The following ADARB2 variants were observed in gnomAD, a reference collection of about 807,000 sequenced individuals.
ADARB2 encodes adenosine deaminase RNA specific B2 (inactive).
ADARB2 carries 25 observed loss-of-function variants against 62.2 expected under a neutral mutation model. The ratio of observed to expected loss-of-function variants is 0.40; its 90% CI spans 0.29 to 0.56. The LOEUF (loss-of-function observed/expected upper bound fraction) is 0.56, where lower values mean the gene tolerates loss of function less well. Ranked by LOEUF, ADARB2 falls within the 20% of genes least tolerant of loss-of-function variation. ADARB2 has a pLI of 0.43. For missense variants in ADARB2, 1,071 were observed against 1,077.4 expected (o/e 0.99, Z 0.08); for synonymous variants, 572 against 500.8 (o/e 1.14, Z -1.90).
At chr10:1,626,661 A>G (rs925063964) in intron 1 of ADARB2, among the ~76,000 whole-genome samples, 7 of 152,094 alleles carry the variant, frequency 4.6e-5, no homozygotes, top group African/African-American at 2.4e-5. Context: ...CACACTCGAC[A>G]TGGAAGAACG....
At chr10:1,236,356 C>T (rs1459127047) in intron 5 of ADARB2, among the ~76,000 whole-genome samples, 10 of 30,112 alleles carry the variant, frequency 3.3e-4, no homozygotes, top group African/African-American at 4.0e-4. Context: ...CTCCCCCCTG[C>T]CTCCCGGTGT....
At chr10:1,287,533 C>T (rs1831425222) in intron 3 of ADARB2, among the ~76,000 whole-genome samples, 1 of 152,200 alleles carries the variant, frequency 6.6e-6, no homozygotes. Flanking sequence ...ATCCTAGCCC[C>T]TGGTAACTGC....
At chr10:1,305,904 AAAAT>A (rs1186427041) in intron 3 of ADARB2, among the ~76,000 whole-genome samples, 10 of 150,970 alleles carry the variant, frequency 6.6e-5, no homozygotes, top group African/African-American at 1.9e-4. Flanking sequence ...GACATATTTC[AAAAT>A]AATAAGAGCT....
At chr10:1,270,343 TAGTG>T (rs895681519) in intron 4 of ADARB2, among the ~76,000 whole-genome samples, 1 of 152,120 alleles carries the variant, frequency 6.6e-6, no homozygotes, top group African/African-American at 2.4e-5. Flanking sequence ...TGTGAGAGTG[TAGTG>T]AGTGTGACGA....
At chr10:1,272,576 G>C (rs1048387648) in intron 3 of ADARB2, among the ~76,000 whole-genome samples, 1 of 152,228 alleles carries the variant, frequency 6.6e-6, no homozygotes, top group Non-Finnish European at 1.5e-5. Flanking sequence ...GCTGTAGCCT[G>C]TAAATGATGT....
chr10:1,659,839 G>A (rs1275507199), intron 1 of ADARB2, among the ~76,000 whole-genome samples: 1 of 142,824 alleles, frequency 7.0e-6, no homozygotes, highest in Non-Finnish European at 1.5e-5. Context: ...GACCCATCAT[G>A]CTGCTTCTGG....
intron 7 of ADARB2, among the ~76,000 whole-genome samples, chr10:1,201,069 C>T (rs1012787799): frequency 7.9e-5 from 12 of 152,192 alleles, no homozygotes; most frequent in African/African-American, 1.9e-4. Context: ...TAATCTTCTC[C>T]GAGAACCCGT....
At position 1,596,758 on chromosome 10, in the gene ADARB2, G is replaced by T. The variant is rs570419262; in HGVS notation, c.100+140293C>A. On this transcript the variant is annotated intron_variant, in intron 1 of 9. Transcript: ENST00000381312. Reference sequence around the variant, plus strand: ...CAGAAGCACCTCCGGGAAGGCCTGTGGGGTCCGTGGGGTCTAGTGGGGAAG... The same window carrying T: ...CAGAAGCACCTCCGGGAAGGCCTGTTGGGTCCGTGGGGTCTAGTGGGGAAG... Among the ~76,000 whole-genome samples the T allele has an allele frequency of 1.1e-4, 16 of 152,350 alleles. 1 individual carries two copies. The South Asian group carries it at 3.3e-3, about 32-fold the overall frequency.
chr10:1,228,711 A>T (rs1045184157), intron 6 of ADARB2, among the ~76,000 whole-genome samples: 1 of 152,200 alleles, frequency 6.6e-6, no homozygotes, highest in Non-Finnish European at 1.5e-5. Context: ...TCTGTCGCGA[A>T]AGCAGCTTTC....
At chr10:1,317,887 G>A (rs1397516893) in intron 3 of ADARB2, among the ~76,000 whole-genome samples, 1 of 152,132 alleles carries the variant, frequency 6.6e-6, no homozygotes, top group Non-Finnish European at 1.5e-5. Flanking sequence ...CTTGAGCTTG[G>A]TACCCATCCC....
intron 3 of ADARB2, among the ~76,000 whole-genome samples, chr10:1,358,003 CAT>C (rs1279254627): frequency 2.0e-5 from 3 of 150,868 alleles, no homozygotes; most frequent in East Asian, 2.0e-4. Context: ...TATATACACA[CAT>C]ATGTGCATGT....
chr10:1,486,595 C>T (rs57171478), intron 1 of ADARB2, among the ~76,000 whole-genome samples: 12,886 of 152,198 alleles, frequency 0.085, 1,634 homozygotes, highest in African/African-American at 0.27. Context: ...TCTACTGTGT[C>T]TTCCTTGGAC....
chr10:1,446,158 T>A (rs1394565595), intron 1 of ADARB2, among the ~76,000 whole-genome samples: 1 of 152,258 alleles, frequency 6.6e-6, no homozygotes, highest in Non-Finnish European at 1.5e-5. Flanking sequence ...GTTTTTGTTC[T>A]TCCACTTTCT....
chr10:1,684,761 G>T (rs996497176), intron 1 of ADARB2, among the ~76,000 whole-genome samples: 3 of 152,342 alleles, frequency 2.0e-5, no homozygotes, highest in East Asian at 1.9e-4. Context: ...TTCACCAAAA[G>T]ATTTTGCAGT....
intron 1 of ADARB2, among the ~76,000 whole-genome samples, chr10:1,666,581 T>G (rs1405843936): frequency 1.3e-5 from 2 of 152,220 alleles, no homozygotes; most frequent in African/African-American, 4.8e-5. Flanking sequence ...GTATCCAGCG[T>G]CCTCCTGCAG....
intron 1 of ADARB2, among the ~76,000 whole-genome samples, chr10:1,715,170 C>T (rs1588363955): frequency 6.6e-6 from 1 of 152,094 alleles, no homozygotes; most frequent in East Asian, 1.9e-4. Flanking sequence ...TATTAGAAAG[C>T]AAGAAGTCTC....
intron 3 of ADARB2, among the ~76,000 whole-genome samples, chr10:1,280,406 G>A (rs901869238): frequency 6.6e-6 from 1 of 152,198 alleles, no homozygotes; most frequent in African/African-American, 2.4e-5. Flanking sequence ...GAAACATGTG[G>A]ACATGCAGGT....
intron 3 of ADARB2, among the ~76,000 whole-genome samples, chr10:1,280,063 C>G (rs576218950): frequency 6.6e-6 from 1 of 152,140 alleles, no homozygotes; most frequent in African/African-American, 2.4e-5. Context: ...AACTGAATGT[C>G]TGTGGCAGCA....
At chr10:1,246,070 G>GTATTT (rs1830983880) in intron 4 of ADARB2, among the ~76,000 whole-genome samples, 3 of 151,592 alleles carry the variant, frequency 2.0e-5, no homozygotes, top group Non-Finnish European at 4.4e-5. Flanking sequence ...GTTTTGATTT[G>GTATTT]CATTTTTCTG....
Sources: gnomAD v4.1 joint callset for allele counts (sites outside exome capture counted in the v4.1 genomes callset) on GRCh38, gnomAD v4.1.1 for gene constraint, MANE v1.5 for transcripts, NCBI Gene and HGNC (gene_info 2026-07-23, HGNC 2026-07-21) for gene names.